Variants in CLIC6 observed in about 807,000 individuals in gnomAD.
The protein encoded by CLIC6 is CLIC family member 6.
Under a neutral mutation model 49.2 loss-of-function variants are expected in CLIC6, and 39 were observed. That is an observed-to-expected ratio of 0.79 (90% CI 0.61 to 1.04). The LOEUF is 1.04. Among genes scored for constraint, CLIC6 ranks in the 50% least tolerant of loss-of-function variants. The pLI is 0.00. For synonymous variants in CLIC6, 446 were observed against 433.4 expected, an observed-to-expected ratio of 1.03 and a Z score of -0.36; for missense variants, 988 against 993.1, an observed-to-expected ratio of 0.99 and a Z score of 0.07.
At chr21:34,697,660 C>G (rs918680122) in intron 1 of CLIC6, among the ~76,000 whole-genome samples, 4 of 152,198 alleles carry the variant, frequency 2.6e-5, no homozygotes, top group African/African-American at 7.2e-5. Flanking sequence ...TTGCCCAGGA[C>G]TTAGGGGGAG....
chr21:34,688,116 T>C (rs1367607999), intron 1 of CLIC6, among the ~76,000 whole-genome samples: 1 of 152,228 alleles, frequency 6.6e-6, no homozygotes, highest in African/African-American at 2.4e-5. Context: ...TGATGATACA[T>C]GTTTCCTTTA....
chr21:34,704,764 A>G (rs1303155381), intron 1 of CLIC6, among the ~76,000 whole-genome samples: 1 of 152,216 alleles, frequency 6.6e-6, no homozygotes, highest in Non-Finnish European at 1.5e-5. Context: ...TTCCCCCTAA[A>G]GAAGTAGCTG....
intron 1 of CLIC6, among the ~76,000 whole-genome samples, chr21:34,676,441 T>A (rs1406131854): frequency 1.3e-5 from 2 of 152,246 alleles, no homozygotes; most frequent in African/African-American, 2.4e-5. Context: ...GAGTTTACCA[T>A]CTAGCACAGA....
intron 1 of CLIC6, among the ~76,000 whole-genome samples, chr21:34,700,221 G>A (rs1990160891): frequency 6.6e-6 from 1 of 151,706 alleles, no homozygotes; most frequent in Non-Finnish European, 1.5e-5. Context: ...GCCGAGGAGG[G>A]CGGATCACGA....
intron 1 of CLIC6, among the ~76,000 whole-genome samples, chr21:34,677,222 T>A (rs1027099848): frequency 3.3e-5 from 5 of 152,236 alleles, no homozygotes; most frequent in Non-Finnish European, 7.3e-5. Flanking sequence ...CAGTTTTGAA[T>A]TTAAGACAGT....
chr21:34,686,845 C>T (rs1989890672), intron 1 of CLIC6, among the ~76,000 whole-genome samples: 1 of 151,972 alleles, frequency 6.6e-6, no homozygotes, highest in Non-Finnish European at 1.5e-5. Flanking sequence ...CCCCTCAGAC[C>T]AGACCATCCA....
At chr21:34,686,144 C>G (rs2145804299) in intron 1 of CLIC6, among the ~76,000 whole-genome samples, 1 of 152,292 alleles carries the variant, frequency 6.6e-6, no homozygotes, top group African/African-American at 2.4e-5. Flanking sequence ...TGGCTCACAC[C>G]TGTAATCCCA....
At chr21:34,700,685 C>T (rs1483584169) in intron 1 of CLIC6, among the ~76,000 whole-genome samples, 1 of 139,940 alleles carries the variant, frequency 7.1e-6, no homozygotes, top group East Asian at 2.0e-4. Flanking sequence ...TCCCTCTCTT[C>T]GAGGGGGTGG....
rs541617630 is a variant in CLIC6, at chr21:34,671,228, C to A, written c.1374+466C>A. On this transcript the variant is annotated intron_variant, in intron 1 of 5. Transcript: ENST00000349499. The stretch of plus-strand genomic sequence containing the variant: ...AGCTTTAATACTTGAAGCCAAAAAA[C>A]GCAGACAGGTAGGTTCAATGTGGGA... 2.0e-5 allele frequency among the ~76,000 whole-genome samples: 3 copies of A among 151,204 alleles called. No homozygotes were observed. In the East Asian group the frequency reaches 5.8e-4, roughly 29 times the overall value.
rs1323318991 is a variant in CLIC6 at position 34,716,735 on chromosome 21, G to C, written c.*253G>C. 5 of 272,640 alleles carry C rather than the reference G, an allele frequency of 1.8e-5. No individual in the cohort carries two copies. 16.9% of individuals were successfully genotyped at this position (272,640 alleles called of 1,614,324 possible). A position where few individuals can be genotyped will look rare whatever the true frequency, so the allele number is the denominator to read the frequency against. The stretch of plus-strand genomic sequence containing the variant: ...TGATATTTTAAAGCAATATCAGAGG[G>C]TGTAAAGAAGGACATTTTAACAATC... On this transcript the variant is annotated 3_prime_UTR_variant, in exon 6 of 6. Coordinates refer to ENST00000349499, the MANE Select transcript of CLIC6 (RefSeq NM_053277.3).
chr21:34,702,330 T>C (rs1990205298), intron 1 of CLIC6, among the ~76,000 whole-genome samples: 1 of 152,100 alleles, frequency 6.6e-6, no homozygotes, highest in Non-Finnish European at 1.5e-5. Context: ...GGGTCCTGTC[T>C]TGATCCAAAT....
At chr21:34,694,000 T>C (rs1304078601) in intron 1 of CLIC6, among the ~76,000 whole-genome samples, 3 of 143,612 alleles carry the variant, frequency 2.1e-5, no homozygotes, top group African/African-American at 8.0e-5. Flanking sequence ...TTTGACGGAG[T>C]CTTGCTCTGT....
intron 1 of CLIC6, among the ~76,000 whole-genome samples, chr21:34,680,276 G>A (rs898956487): frequency 3.9e-5 from 6 of 152,156 alleles, no homozygotes; most frequent in South Asian, 2.1e-4. Flanking sequence ...GTTGTACCTC[G>A]GCCCCTTTTA....
chr21:34,678,793 A>T (rs1989723054), intron 1 of CLIC6, among the ~76,000 whole-genome samples: 1 of 152,184 alleles, frequency 6.6e-6, no homozygotes, highest in Admixed American at 6.5e-5. Context: ...TTTGGAAAAG[A>T]TAATACATTG....
At chr21:34,690,357 T>C (rs1422622485) in intron 1 of CLIC6, among the ~76,000 whole-genome samples, 1 of 152,248 alleles carries the variant, frequency 6.6e-6, no homozygotes, top group Non-Finnish European at 1.5e-5. Flanking sequence ...TGGTACCTTA[T>C]TGTAAAATAT....
intron 1 of CLIC6, among the ~76,000 whole-genome samples, chr21:34,682,801 A>ATTTTTTTTTT (rs1172251761): frequency 2.9e-5 from 2 of 69,272 alleles, no homozygotes; most frequent in African/African-American, 6.5e-5. Flanking sequence ...CTTTCCCTCC[A>ATTTTTTTTTT]TTTTTTTTTT....
chr21:34,679,281 C>CT (rs1305157820), intron 1 of CLIC6, among the ~76,000 whole-genome samples: 3 of 149,792 alleles, frequency 2.0e-5, no homozygotes, highest in African/African-American at 7.6e-5. Flanking sequence ...GGGGAAGCTC[C>CT]TTATAAGCCA....
chr21:34,705,003 T>C (rs890378023), intron 1 of CLIC6, among the ~76,000 whole-genome samples: 4 of 152,100 alleles, frequency 2.6e-5, no homozygotes, highest in Non-Finnish European at 2.9e-5. Flanking sequence ...TCAGGAGAGA[T>C]TTGCCACATA....
intron 1 of CLIC6, among the ~76,000 whole-genome samples, chr21:34,677,005 TAG>T (rs1366827994): frequency 1.3e-5 from 2 of 152,104 alleles, no homozygotes; most frequent in Non-Finnish European, 2.9e-5. Flanking sequence ...CTTCACAATA[TAG>T]AGAGTTTCCA....
Sources: gnomAD v4.1 joint callset for allele counts (sites outside exome capture counted in the v4.1 genomes callset) on GRCh38, gnomAD v4.1.1 for gene constraint, MANE v1.5 for transcripts, NCBI Gene and HGNC (gene_info 2026-07-23, HGNC 2026-07-21) for gene names.